RBL2: variants seen among roughly 807,000 people sequenced by gnomAD.
RBL2 encodes the protein RB transcriptional corepressor like 2.
In RBL2, 56 loss-of-function variants were observed where a neutral mutation model predicts 126.0. The ratio of observed to expected loss-of-function variants is 0.44; its 90% CI spans 0.36 to 0.56. The LOEUF is 0.56. Ranked by LOEUF, RBL2 falls within the 20% of genes least tolerant of loss-of-function variation. The pLI is 0.00. For synonymous variants in RBL2, 454 were observed against 478.5 expected (o/e 0.95, Z 0.67); for missense variants, 1,229 against 1,398.2 (o/e 0.88, Z 1.93).
Position 53,469,927 on chromosome 16 carries a change from C to T in RBL2, c.1987C>T (p.Pro663Ser). 2 of 1,566,824 alleles carry T rather than the reference C, an allele frequency of 1.3e-6. No homozygotes were observed. Among genetic ancestry groups the T allele is most frequent in the Non-Finnish European group, 1.7e-6 (2 of 1,151,354 alleles). The change falls in exon 15 of 22, where the codon CCA becomes TCA. Residue 663 changes from proline to serine, a missense_variant. By Grantham distance (74) the Pro-to-Ser change is moderately conservative. This residue lies in a region of RBL2 where 1,070 missense variants were observed against 1,274.3 expected (regional missense o/e 0.84). Coordinates refer to ENST00000262133, the MANE Select transcript of RBL2 (RefSeq NM_005611.4). ...TGGLGRSITS[P>S]TTLYDRYSSP... ...TGTTTTGACCCTAGGCATAACATCT[C>T]CAACCACATTATACGATAGGTACAG...
rs765473571 is a variant in RBL2 at position 53,470,154 on chromosome 16, C to T, written c.2214C>T (p.Asn738=). The T allele has an allele frequency of 1.9e-6, 3 of 1,612,320 alleles. No individual in the cohort carries two copies. Among genetic ancestry groups the T allele is most frequent in the Admixed American group, 3.3e-5 (2 of 59,964 alleles). ...TGGCAACCGCCACTGTCACAGCCAA[C>T]AATGGGCAAACGGTAACCATTCCTG... ...VTMATATVTA[N]NGQTVTIPVQ... The change falls in exon 15 of 22, where the codon AAC becomes AAT. Residue 738 remains asparagine, a synonymous_variant. Transcript: ENST00000262133.
intron 1 of RBL2, among the ~76,000 whole-genome samples, chr16:53,435,071 T>C (rs2057943949): frequency 6.6e-6 from 1 of 151,902 alleles, no homozygotes; most frequent in Non-Finnish European, 1.5e-5. Flanking sequence ...TTGAGGAAAA[T>C]GGGTGTGTGT....
intron 9 of RBL2, among the ~76,000 whole-genome samples, chr16:53,461,366 G>C (rs1360604155): frequency 1.3e-5 from 2 of 152,180 alleles, no homozygotes; most frequent in African/African-American, 4.8e-5. Context: ...GGTGGCAGGT[G>C]CCTGCAGTTC....
intron 20 of RBL2, chr16:53,481,432 G>C (rs559770973): frequency 1.7e-5 from 7 of 407,900 alleles, no homozygotes; most frequent in African/African-American, 1.5e-4. Context: ...AGCATATGGG[G>C]TTGTTGTAAG....
intron 7 of RBL2, among the ~76,000 whole-genome samples, chr16:53,454,014 C>T (rs568973969): frequency 6.6e-6 from 1 of 152,128 alleles, no homozygotes; most frequent in Non-Finnish European, 1.5e-5. Context: ...TCTTTTGGAA[C>T]TATATGGGTG....
rs750906397 is a variant in RBL2 at position 53,470,398 on chromosome 16, A to G, written c.2261A>G (p.Asn754Ser). 6.2e-6 allele frequency: 10 copies of G among 1,612,282 alleles called. No homozygotes were observed. Among genetic ancestry groups the G allele is most frequent in the African/African-American group, 1.3e-5 (1 of 74,850 alleles). ...CTGTCACTAGGTATTGCCAATGAAA[A>G]TGGAGGGATAACATTCTTCCCTGTC... ...TIPVQGIANENGGITFFPVQV... is the reference protein window; with the variant it reads ...TIPVQGIANESGGITFFPVQV... The change falls in exon 16 of 22, where the codon AAT becomes AGT. Residue 754 changes from asparagine to serine, a missense_variant. This residue lies in a region of RBL2 where 1,070 missense variants were observed against 1,274.3 expected (regional missense o/e 0.84). Transcript: ENST00000262133.
At chr16:53,440,526 T>G (rs1347412697) in intron 2 of RBL2, among the ~76,000 whole-genome samples, 1 of 152,144 alleles carries the variant, frequency 6.6e-6, no homozygotes, top group Non-Finnish European at 1.5e-5. Flanking sequence ...CTGTCACTAA[T>G]AAAGACTTTC....
intron 19 of RBL2, chr16:53,480,194 G>C (rs1028526185): frequency 7.3e-6 from 4 of 546,826 alleles, no homozygotes; most frequent in Non-Finnish European, 9.7e-6. Context: ...TTTTCTCCAG[G>C]AGAATTAGAG....
In RBL2 at chr16:53,442,655, C is replaced by T. The variant is rs1184020317; in HGVS notation, c.372-3C>T. ...GAAATATCTTGTTTGTCTTTAATAC[C>T]AGCTTAATCGAATTTTTTAATAAGA... On this transcript the variant is annotated splice_polypyrimidine_tract_variant and splice_region_variant and intron_variant, in intron 2 of 21. Coordinates refer to ENST00000262133, the MANE Select transcript of RBL2 (RefSeq NM_005611.4). The T allele has an allele frequency of 1.2e-6, 2 of 1,604,554 alleles. No individual in the cohort carries two copies. The highest frequency in any genetic ancestry group is 1.7e-5 in the Admixed American group (1 of 59,330).
rs760477453 is a variant in RBL2, at chr16:53,439,100, G to A, written c.325G>A (p.Gly109Arg). The A allele has an allele frequency of 6.8e-6, 11 of 1,608,744 alleles. No homozygotes were observed. The highest frequency in any genetic ancestry group is 8.5e-6 in the Non-Finnish European group (10 of 1,177,536). ...AACTGTAAGCAAAGGGACAGTGGAA[G>A]GAAACTATGTATCTTTAACTAGAAT... Reference protein sequence around the residue: ...VPTVSKGTVEGNYVSLTRILK... With the variant: ...VPTVSKGTVERNYVSLTRILK... The change falls in exon 2 of 22, where the codon GGA (glycine) becomes AGA (arginine). Residue 109 changes from glycine (G) to arginine (R), a missense_variant. Gly to Arg is a moderately radical substitution (Grantham distance 125, BLOSUM62 -2). This residue lies in a region of RBL2 where 1,070 missense variants were observed against 1,274.3 expected (regional missense o/e 0.84). Transcript: ENST00000262133.
chr16:53,460,340 G>A (rs2058208635), intron 9 of RBL2, among the ~76,000 whole-genome samples: 1 of 152,162 alleles, frequency 6.6e-6, no homozygotes, highest in Admixed American at 6.5e-5. Context: ...GACCCTATAT[G>A]TACACATAAG....
rs142660667 is a variant in RBL2 at position 53,442,561 on chromosome 16, A to G, written c.372-97A>G. On this transcript the variant is annotated intron_variant, in intron 2 of 21. Coordinates refer to ENST00000262133, the MANE Select transcript of RBL2 (RefSeq NM_005611.4). ...TATTTCACTGTCTAAAAGTAATATA[A>G]TTTAATGCGATAATATTGATTTACT... 1.3e-4 allele frequency: 121 copies of G among 902,454 alleles called. No individual in the cohort carries two copies. The African/African-American group carries it at 1.9e-3, about 14-fold the overall frequency. The allele number at this position is 902,454 out of a possible 1,614,324, so 55.9% of individuals were successfully genotyped here.
chr16:53,490,962 T>C lies in RBL2; in HGVS notation c.*662T>C, dbSNP rs1020808189. The C allele has an allele frequency of 2.0e-5, 3 of 152,646 alleles. No homozygotes were observed. The highest frequency in any genetic ancestry group is 7.2e-5 in the African/African-American group (3 of 41,458). 9.5% of individuals were successfully genotyped at this position (152,646 alleles called of 1,614,324 possible). ...CTTTAGGGCTGTAAAATGCATGATT[T>C]TGTAACCCAGATTTTGCTGTATATT... On this transcript the variant is annotated 3_prime_UTR_variant, in exon 22 of 22. Transcript: ENST00000262133.
At chr16:53,476,497 G>A (rs1960731527) in intron 17 of RBL2, among the ~76,000 whole-genome samples, 1 of 152,134 alleles carries the variant, frequency 6.6e-6, no homozygotes. Context: ...ATGTCTGTTA[G>A]GTCTAATTGT....
intron 7 of RBL2, 190 bp from the exon 8 acceptor site, chr16:53,454,466 G>A: frequency 1.8e-6 from 1 of 541,136 alleles, no homozygotes. Flanking sequence ...GCCTCCCAAA[G>A]TGCTGGGATT....
intron 17 of RBL2, among the ~76,000 whole-genome samples, chr16:53,475,213 G>C (rs1960682808): frequency 6.6e-6 from 1 of 151,936 alleles, no homozygotes; most frequent in Non-Finnish European, 1.5e-5. Context: ...TATGATTGTA[G>C]TTTTCGTTTT....
At chr16:53,467,314 G>A in intron 14 of RBL2, 145 bp downstream of exon 14, 1 of 638,938 alleles carries the variant, frequency 1.6e-6, no homozygotes, top group East Asian at 3.0e-5. Context: ...CTTAAAAGAA[G>A]GGCCTTTAAA....
chr16:53,442,533 TTTTA>T (rs2058025965), intron 2 of RBL2, 121 bp from the exon 3 acceptor site: 3 of 729,384 alleles, frequency 4.1e-6, no homozygotes, highest in Non-Finnish European at 6.5e-6. Context: ...TGAGTTGTGA[TTTTA>T]TTTCACTGTC....
chr16:53,479,966 T>C lies in RBL2; in HGVS notation c.2856T>C (p.Ser952=), dbSNP rs755244928. 1.2e-6 allele frequency: 2 copies of C among 1,608,176 alleles called. No individual in the cohort carries two copies. The highest frequency in any genetic ancestry group is 1.7e-5 in the Admixed American group (1 of 59,306). The change falls in exon 19 of 22, where the codon TCT becomes TCC. Residue 952 remains serine (S), a synonymous_variant. Coordinates refer to ENST00000262133, the MANE Select transcript of RBL2 (RefSeq NM_005611.4). ...GSSDSRSHQN[S]PTELNKDRTS... is the part of the protein sequence containing the mutation. ...GTGATAGCAGAAGCCATCAGAATTC[T>C]CCAACAGAACTAAACAAAGATAGAA...
Sources: allele counts gnomAD v4.1 joint callset (sites outside exome capture counted in the v4.1 genomes callset), GRCh38; gene constraint gnomAD v4.1.1; regional missense constraint gnomAD v4.1.1; transcripts MANE v1.5; gene names NCBI Gene and HGNC (gene_info 2026-07-23, HGNC 2026-07-21).